PPFIA1: variants seen among roughly 807,000 people sequenced by gnomAD.
PPFIA1 encodes the protein PPFI scaffold protein A1, also known as liprin-alpha-1.
A neutral mutation model predicts 149.9 loss-of-function variants in PPFIA1; 25 were observed. The observed-to-expected ratio is 0.17, with a 90% CI of 0.12 to 0.23. PPFIA1 has a LOEUF of 0.23. Among genes scored for constraint, PPFIA1 ranks in the 10% least tolerant of loss-of-function variants. The probability of loss-of-function intolerance (pLI) is 1.00; values close to 1 mark genes in which losing one functional copy is unlikely to be tolerated. For missense variants in PPFIA1, 1,362 were observed against 1,506.5 expected (o/e 0.90, Z 1.59); for synonymous variants, 549 against 552.8 (o/e 0.99, Z 0.10).
At chr11:70,348,891 T>TA (rs1210279219) in intron 16 of PPFIA1, among the ~76,000 whole-genome samples, 3 of 151,514 alleles carry the variant, frequency 2.0e-5, no homozygotes, top group East Asian at 1.9e-4. Flanking sequence ...CCAAAAAATA[T>TA]AAAAAAAAAT....
chr11:70,303,466 C>G (rs186113868), intron 2 of PPFIA1, among the ~76,000 whole-genome samples: 1 of 152,154 alleles, frequency 6.6e-6, no homozygotes, highest in African/African-American at 2.4e-5. Context: ...GTTATGAAAT[C>G]AGGGAAAGCT....
At chr11:70,348,149 T>G in intron 15 of PPFIA1, 40 bp from the exon 16 acceptor site, 4 of 1,582,076 alleles carry the variant, frequency 2.5e-6, no homozygotes, top group Non-Finnish European at 3.5e-6. Context: ...TTAATCTGTT[T>G]GCCGAAACAG....
intron 21 of PPFIA1, among the ~76,000 whole-genome samples, chr11:70,364,037 G>T (rs1404777983): frequency 1.3e-5 from 2 of 152,092 alleles, no homozygotes; most frequent in Non-Finnish European, 2.9e-5. Context: ...GGTCCCTAAA[G>T]AATTCTAATC....
At chr11:70,365,891 A>G in intron 21 of PPFIA1, 2 of 454,924 alleles carry the variant, frequency 4.4e-6, no homozygotes, top group Non-Finnish European at 8.8e-6. Context: ...TACCGAGCTC[A>G]CCAATACTAA....
At chr11:70,319,388 C>G (rs910691885) in intron 2 of PPFIA1, among the ~76,000 whole-genome samples, 1 of 152,210 alleles carries the variant, frequency 6.6e-6, no homozygotes, top group African/African-American at 2.4e-5. Flanking sequence ...CCAGGGGAAT[C>G]CTTTGAAAAC....
At chr11:70,373,062 G>A (rs2057340554) in intron 23 of PPFIA1, among the ~76,000 whole-genome samples, 1 of 152,168 alleles carries the variant, frequency 6.6e-6, no homozygotes, top group Non-Finnish European at 1.5e-5. Context: ...AGAAGGAGGA[G>A]GAGCTGCTTA....
intron 2 of PPFIA1, among the ~76,000 whole-genome samples, chr11:70,291,671 CTTAT>C (rs1439266098): frequency 6.6e-6 from 1 of 151,838 alleles, no homozygotes; most frequent in Non-Finnish European, 1.5e-5. Context: ...GAATAGTTTA[CTTAT>C]TTATTTATTT....
At chr11:70,365,819 A>G in intron 21 of PPFIA1, 2 of 401,188 alleles carry the variant, frequency 5.0e-6, no homozygotes, top group South Asian at 3.7e-5. Flanking sequence ...TGATGCTTTG[A>G]TAGTCTGAAC....
chr11:70,331,160 A>G (rs1192733738), intron 8 of PPFIA1, among the ~76,000 whole-genome samples: 2 of 151,192 alleles, frequency 1.3e-5, no homozygotes, highest in African/African-American at 2.4e-5. Flanking sequence ...GCTTGAACCC[A>G]AGAGGCGGAG....
intron 2 of PPFIA1, among the ~76,000 whole-genome samples, chr11:70,284,324 T>A (rs1010318698): frequency 6.6e-6 from 1 of 152,214 alleles, no homozygotes; most frequent in Non-Finnish European, 1.5e-5. Flanking sequence ...GTTGAATATA[T>A]CCTTTCAGAA....
intron 11 of PPFIA1, 90 bp downstream of exon 11, chr11:70,335,784 G>C: frequency 7.0e-7 from 1 of 1,426,152 alleles, no homozygotes; most frequent in Non-Finnish European, 9.7e-7. Flanking sequence ...TGTAACAGTG[G>C]TTAGCAGCTG....
chr11:70,336,236 C>T (rs1002582790), intron 11 of PPFIA1, among the ~76,000 whole-genome samples: 2 of 152,182 alleles, frequency 1.3e-5, no homozygotes, highest in African/African-American at 4.8e-5. Context: ...GGCGTGGTGG[C>T]TCACGTCTGT....
intron 21 of PPFIA1, chr11:70,367,695 T>C (rs1247615747): frequency 4.5e-6 from 2 of 441,278 alleles, no homozygotes; most frequent in African/African-American, 4.1e-5. Flanking sequence ...TTCAGGAGTC[T>C]GAGCAGAGCA....
chr11:70,278,515 C>T (rs1021772007), intron 2 of PPFIA1, among the ~76,000 whole-genome samples: 3 of 152,096 alleles, frequency 2.0e-5, no homozygotes. Context: ...TTATTTTCCC[C>T]TCTGGTTGCT....
At chr11:70,313,239 T>C (rs2136561989) in intron 2 of PPFIA1, among the ~76,000 whole-genome samples, 2 of 152,320 alleles carry the variant, frequency 1.3e-5, no homozygotes, top group South Asian at 2.1e-4. Context: ...AGTATCAAGG[T>C]CTGGATGAGA....
chr11:70,280,704 A>T (rs1170541009), intron 2 of PPFIA1, among the ~76,000 whole-genome samples: 2 of 152,146 alleles, frequency 1.3e-5, no homozygotes, highest in African/African-American at 4.8e-5. Context: ...AGTAGCTGGG[A>T]CTATAGGTAT....
intron 11 of PPFIA1, among the ~76,000 whole-genome samples, chr11:70,336,170 T>C (rs1001017928): frequency 1.3e-5 from 2 of 152,212 alleles, no homozygotes; most frequent in African/African-American, 4.8e-5. Flanking sequence ...GGATCATTTT[T>C]TGGGCCCAAC....
At chr11:70,374,790 C>G (rs2057414474) in intron 23 of PPFIA1, 128 bp from the exon 24 acceptor site, 1 of 804,842 alleles carries the variant, frequency 1.2e-6, no homozygotes, top group South Asian at 1.7e-5. Flanking sequence ...AGCAGTGTCT[C>G]CCAGCACTTT....
chr11:70,378,087 G>C lies in PPFIA1; in HGVS notation c.3442G>C (p.Asp1148His). ...ATGGAGAAAAAAGTTTAGACCAAAG[G>C]ACATTCGTGGCTTAGCTGCTGGGTC... ...PSWRKKFRPK[D>H]IRGLAAGSAE... The change falls in exon 26 of 28, where the codon GAC becomes CAC. Residue 1148 changes from aspartate to histidine, a missense_variant. Coordinates refer to ENST00000253925, the MANE Select transcript of PPFIA1 (RefSeq NM_003626.5). 1 of 1,614,064 alleles carries C rather than the reference G, an allele frequency of 6.2e-7. No homozygotes were observed. The highest frequency in any genetic ancestry group is 1.1e-5 in the South Asian group (1 of 91,072).
Sources: allele counts gnomAD v4.1 joint callset (sites outside exome capture counted in the v4.1 genomes callset), GRCh38; gene constraint gnomAD v4.1.1; transcripts MANE v1.5; gene names NCBI Gene and HGNC (gene_info 2026-07-23, HGNC 2026-07-21).